Variants in C14orf132 observed in about 807,000 individuals in gnomAD.
C14orf132 encodes uncharacterized protein C14orf132.
C14orf132 carries 6 observed loss-of-function variants against 5.8 expected under a neutral mutation model. The observed-to-expected ratio is 1.03, with a 90% CI of 0.57 to 2.04. The LOEUF (loss-of-function observed/expected upper bound fraction) is 2.04, where lower values mean the gene tolerates loss of function less well. Among genes scored for constraint, C14orf132 ranks in the 30% most tolerant of loss-of-function variants. C14orf132 has a pLI of 0.00. For missense variants in C14orf132, 125 were observed against 115.8 expected, an observed-to-expected ratio of 1.08 and a Z score of -0.37; for synonymous variants, 51 against 49.8, an observed-to-expected ratio of 1.02 and a Z score of -0.10.
Position 96,086,939 on chromosome 14 carries a change from C to T in C14orf132, c.*204C>T. The T allele has an allele frequency of 1.6e-6, 1 of 611,362 alleles. No individual in the cohort carries two copies. Among genetic ancestry groups the T allele is most frequent in the Non-Finnish European group, 2.8e-6 (1 of 351,166 alleles). The allele number at this position is 611,362 out of a possible 1,614,324, so 37.9% of individuals were successfully genotyped here. ...AGTCAGAAGACATGGAAGTATGGGC[C>T]TCCTGCCCCTAGAGGCATGACGGGG... On this transcript the variant is annotated 3_prime_UTR_variant, in exon 2 of 2. Coordinates refer to ENST00000555004, the MANE Select transcript of C14orf132 (RefSeq NM_001252507.3).
chr14:96,050,078 G>T (rs1212841072), intron 1 of C14orf132, among the ~76,000 whole-genome samples: 2 of 152,026 alleles, frequency 1.3e-5, no homozygotes, highest in African/African-American at 2.4e-5. Context: ...TGTCAATTCT[G>T]GATTGGTTTT....
At chr14:96,076,617 A>G (rs75080251) in intron 1 of C14orf132, among the ~76,000 whole-genome samples, 1 of 31,478 alleles carries the variant, frequency 3.2e-5, no homozygotes, top group Non-Finnish European at 5.9e-5. Flanking sequence ...AGCTGATGAG[A>G]AAAAAAAAAT....
chr14:96,072,400 G>T (rs1887739814), intron 1 of C14orf132, among the ~76,000 whole-genome samples: 1 of 152,234 alleles, frequency 6.6e-6, no homozygotes, highest in Non-Finnish European at 1.5e-5. Context: ...CCACCTCCCA[G>T]GGGCCCTGAG....
rs867485524 is a variant in C14orf132 at position 96,039,665 on chromosome 14, C to T, written c.27+138C>T. The T allele has an allele frequency of 3.2e-6, 3 of 925,408 alleles. No individual in the cohort carries two copies. The highest frequency in any genetic ancestry group is 3.4e-4 in the Middle Eastern group (1 of 2,942). 57.3% of individuals were successfully genotyped at this position (925,408 alleles called of 1,614,324 possible). A position where few individuals can be genotyped will look rare whatever the true frequency, so the allele number is the denominator to read the frequency against. ...TCCCGGTCCTTTGTCCCGAGCCGGA[C>T]ACCCCCACTTGGTGCACGCGTCGGG... On this transcript the variant is annotated intron_variant, in intron 1 of 1. Transcript: ENST00000555004. This position sits in a 1 kb window ranked among gnomAD's most constrained non-coding sequence, Gnocchi z 5.3.
At chr14:96,051,907 G>A (rs1483846096) in intron 1 of C14orf132, among the ~76,000 whole-genome samples, 1 of 152,252 alleles carries the variant, frequency 6.6e-6, no homozygotes, top group Non-Finnish European at 1.5e-5. Flanking sequence ...ATCATTCCTA[G>A]GCACGAAGAC....
rs576400104 is a variant in C14orf132, at chr14:96,089,647, C to T, written c.*2912C>T. The T allele has an allele frequency of 6.6e-6, 1 of 152,444 alleles. No homozygotes were observed. The highest frequency in any genetic ancestry group is 2.1e-4 in the South Asian group (1 of 4,824). 9.4% of individuals were successfully genotyped at this position (152,444 alleles called of 1,614,324 possible). On this transcript the variant is annotated 3_prime_UTR_variant, in exon 2 of 2. Transcript: ENST00000555004. ...AGAGTGGAACATGCTCAACCTCCCG[C>T]CCACTGCTCTCTCTCTGCCCAGATT...
At chr14:96,081,159 AT>A (rs1019074479) in intron 1 of C14orf132, among the ~76,000 whole-genome samples, 1 of 152,210 alleles carries the variant, frequency 6.6e-6, no homozygotes. Context: ...TTTTACTAAC[AT>A]TTGTATAAAT....
intron 1 of C14orf132, among the ~76,000 whole-genome samples, chr14:96,078,775 C>T (rs1462062097): frequency 1.3e-5 from 2 of 152,200 alleles, no homozygotes; most frequent in Admixed American, 6.5e-5. Context: ...TGCCTGTTCA[C>T]GGTCCTGCAG....
rs1357954902 is a variant in C14orf132 at position 96,041,308 on chromosome 14, G to T, written c.27+1781G>T. 2.6e-5 allele frequency among the ~76,000 whole-genome samples: 4 copies of T among 152,218 alleles called. No individual in the cohort carries two copies. The East Asian group carries it at 5.8e-4, about 22-fold the overall frequency. On this transcript the variant is annotated intron_variant, in intron 1 of 1. Transcript: ENST00000555004. ...AAATCCTTACAAGTCCATGACGGAGGCCCCATTTTACAGGTCAGGACACTA... is the reference window on the plus strand; with the variant it reads ...AAATCCTTACAAGTCCATGACGGAGTCCCCATTTTACAGGTCAGGACACTA...
At chr14:96,074,548 GTTTT>G (rs11311729) in intron 1 of C14orf132, among the ~76,000 whole-genome samples, 1 of 145,452 alleles carries the variant, frequency 6.9e-6, no homozygotes, top group African/African-American at 2.5e-5. Context: ...TAAGGCATGA[GTTTT>G]TTTTTTTTTT....
At chr14:96,044,049 A>T (rs1484568554) in intron 1 of C14orf132, among the ~76,000 whole-genome samples, 2 of 152,210 alleles carry the variant, frequency 1.3e-5, no homozygotes, top group East Asian at 3.8e-4. Context: ...CTGATGCAGG[A>T]CCATCCTTCC....
rs552535305 is a variant in C14orf132, at chr14:96,060,363, C to G, written c.27+20836C>G. ...AAAGGTGACCCCCTACAGCTACCAT[C>G]TCTGCAACAGTAAAAATGGAATGAC... is the stretch of plus-strand genomic sequence containing the variant. On this transcript the variant is annotated intron_variant, in intron 1 of 1. Transcript: ENST00000555004. Among the ~76,000 whole-genome samples, 78 of 152,314 alleles carry G rather than the reference C, an allele frequency of 5.1e-4. 4 individuals are homozygous for G. The South Asian group carries it at 0.016, about 31-fold the overall frequency.
At chr14:96,064,360 A>ATG (rs1484121092) in intron 1 of C14orf132, among the ~76,000 whole-genome samples, 1 of 72,530 alleles carries the variant, frequency 1.4e-5, no homozygotes, top group Non-Finnish European at 2.6e-5. Flanking sequence ...TAGGGTGCAT[A>ATG]TATACACACA....
chr14:96,093,615 A>T lies in C14orf132; in HGVS notation c.*6880A>T, dbSNP rs925513924. 6.6e-6 allele frequency: 1 copy of T among 152,198 alleles called. No homozygotes were observed. Among genetic ancestry groups the T allele is most frequent in the Non-Finnish European group, 1.5e-5 (1 of 68,038 alleles). 9.4% of individuals were successfully genotyped at this position (152,198 alleles called of 1,614,324 possible). A position where few individuals can be genotyped will look rare whatever the true frequency, so the allele number is the denominator to read the frequency against. On this transcript the variant is annotated 3_prime_UTR_variant, in exon 2 of 2. Coordinates refer to ENST00000555004, the MANE Select transcript of C14orf132 (RefSeq NM_001252507.3). The stretch of plus-strand genomic sequence containing the variant: ...TTTGTGTCTTACTGATGTTTTCATG[A>T]TCAACTTGTAAATGTAAGCAGTTGA...
chr14:96,049,627 TATACATATATAC>T lies in C14orf132; in HGVS notation c.27+10101_27+10112del, dbSNP rs1232720787. Among the ~76,000 whole-genome samples the T allele has an allele frequency of 3.5e-4, 28 of 80,738 alleles. 2 individuals carry two copies. The highest frequency in any genetic ancestry group is 1.5e-3 in the African/African-American group (24 of 16,396). The allele number at this position is 80,738 out of a possible 152,430, so 53.0% of individuals were successfully genotyped here. On this transcript the variant is annotated intron_variant, in intron 1 of 1. Transcript: ENST00000555004. The stretch of plus-strand genomic sequence containing the variant: ...ATATATATACATATATACGTATATA[TATACATATATAC>T]GTATATATATATATAGAGAGAGAGA...
intron 1 of C14orf132, among the ~76,000 whole-genome samples, chr14:96,046,021 G>A (rs1450174466): frequency 6.6e-6 from 1 of 152,158 alleles, no homozygotes; most frequent in Non-Finnish European, 1.5e-5. Flanking sequence ...AGGTGACTTG[G>A]GCTTCCTCCC....
rs1468862503 is a variant in C14orf132, at chr14:96,039,976, A to T, written c.27+449A>T. On this transcript the variant is annotated intron_variant, in intron 1 of 1. Transcript: ENST00000555004. The surrounding 1 kb of genome is among the most constrained non-coding windows in gnomAD (Gnocchi z 5.3). ...GCCAGTAATCTGTCTCTTGCCGGTG[A>T]CCTCGGGCGCCCCCTTTGCCGCCGC... 6.6e-6 allele frequency among the ~76,000 whole-genome samples: 1 copy of T among 151,866 alleles called. No homozygotes were observed. Among genetic ancestry groups the T allele is most frequent in the Non-Finnish European group, 1.5e-5 (1 of 67,970 alleles).
intron 1 of C14orf132, among the ~76,000 whole-genome samples, chr14:96,047,006 G>A (rs1246910273): frequency 6.6e-6 from 1 of 152,154 alleles, no homozygotes; most frequent in Non-Finnish European, 1.5e-5. Flanking sequence ...TAGAATTCTA[G>A]GGAGTCTGGC....
intron 1 of C14orf132, among the ~76,000 whole-genome samples, chr14:96,041,147 C>G (rs189004915): frequency 5.9e-5 from 9 of 152,308 alleles, no homozygotes; most frequent in African/African-American, 2.2e-4. Flanking sequence ...ATTTTTGACA[C>G]TGGTTACATG....
Sources: gnomAD v4.1 joint callset for allele counts (sites outside exome capture counted in the v4.1 genomes callset) on GRCh38, gnomAD v4.1.1 for gene constraint, Gnocchi (gnomAD v3.1) non-coding constraint, MANE v1.5 for transcripts, NCBI Gene and HGNC (gene_info 2026-07-23, HGNC 2026-07-21) for gene names.